MYO18B: variants seen among roughly 807,000 people sequenced by gnomAD.
MYO18B encodes the protein myosin XVIIIB, also known as unconventional myosin-XVIIIb.
Under a neutral mutation model 273.0 loss-of-function variants are expected in MYO18B, and 204 were observed. The ratio of observed to expected loss-of-function variants is 0.75; its 90% CI spans 0.67 to 0.84. The LOEUF (loss-of-function observed/expected upper bound fraction) is 0.84, where lower values mean the gene tolerates loss of function less well. MYO18B is among the 40% of genes least tolerant of loss of function. MYO18B has a pLI of 0.00. For missense variants in MYO18B, 3,212 were observed against 3,287.6 expected (o/e 0.98, Z 0.56); for synonymous variants, 1,330 against 1,305.7 (o/e 1.02, Z -0.40).
intron 34 of MYO18B, among the ~76,000 whole-genome samples, chr22:25,937,178 G>T (rs1222499565): frequency 6.6e-6 from 1 of 151,944 alleles, no homozygotes; most frequent in Admixed American, 6.6e-5. Flanking sequence ...CTGCTTCCTG[G>T]GTTCAAGCAG....
chr22:26,058,094 T>C, the MYO18B span, among the ~76,000 whole-genome samples: 3 of 152,216 alleles, frequency 2.0e-5, no homozygotes, highest in Non-Finnish European at 4.4e-5. Context: ...CTCAAGATGA[T>C]GTAAAACAAG....
Position 26,030,797 on chromosome 22 carries a change from C to G in MYO18B, c.*367C>G. 2 of 393,372 alleles carry G rather than the reference C, an allele frequency of 5.1e-6. No homozygotes were observed. The allele number at this position is 393,372 out of a possible 1,614,324, so 24.4% of individuals were successfully genotyped here. On this transcript the variant is annotated 3_prime_UTR_variant, in exon 44 of 44. Coordinates refer to ENST00000335473, the MANE Select transcript of MYO18B (RefSeq NM_032608.7). ...CTTCCTACATGTCTACATGCCATGA[C>G]CTTCCTCCTCCTCTTCACTTGGCCA...
intron 40 of MYO18B, among the ~76,000 whole-genome samples, chr22:26,000,462 T>C (rs1373341461): frequency 6.6e-6 from 1 of 152,112 alleles, no homozygotes; most frequent in Non-Finnish European, 1.5e-5. Context: ...TCAAGTACTT[T>C]CCAGGACCAA....
chr22:25,869,296 A>T (rs1323701554), intron 22 of MYO18B, among the ~76,000 whole-genome samples: 1 of 152,032 alleles, frequency 6.6e-6, no homozygotes, highest in African/African-American at 2.4e-5. Flanking sequence ...CAAAAAATTT[A>T]AAAATTATCT....
At chr22:26,032,764 C>T (rs1479584363), downstream of MYO18B, among the ~76,000 whole-genome samples, 1 of 152,066 alleles carries the variant, frequency 6.6e-6, no homozygotes, top group Non-Finnish European at 1.5e-5. Flanking sequence ...CTCAGGTGAT[C>T]CACCTGCCTT....
intron 18 of MYO18B, among the ~76,000 whole-genome samples, chr22:25,845,432 G>A (rs1482217128): frequency 6.6e-6 from 1 of 152,144 alleles, no homozygotes; most frequent in Non-Finnish European, 1.5e-5. Flanking sequence ...CAGGAGAATC[G>A]CTTGAACCCG....
intron 31 of MYO18B, 33 bp from the exon 32 acceptor site, chr22:25,908,289 C>A (rs1483661890): frequency 2.6e-6 from 4 of 1,524,462 alleles, no homozygotes; most frequent in South Asian, 1.2e-5. Flanking sequence ...TAGAGTGGGT[C>A]ACCCTCACGT....
chr22:25,929,160 C>CAAAAA (rs4049336), intron 34 of MYO18B, among the ~76,000 whole-genome samples: 14 of 122,166 alleles, frequency 1.1e-4, no homozygotes, highest in African/African-American at 3.7e-4. Context: ...GAAACTGTCT[C>CAAAAA]AAAAAAAAAA....
intron 7 of MYO18B, among the ~76,000 whole-genome samples, chr22:25,776,088 T>C (rs756505727): frequency 6.6e-6 from 1 of 152,210 alleles, no homozygotes; most frequent in Non-Finnish European, 1.5e-5. Context: ...TGATCTGTTT[T>C]TTTGTCCCTA....
chr22:25,990,865 G>A (rs955791640), intron 39 of MYO18B, among the ~76,000 whole-genome samples: 1 of 151,956 alleles, frequency 6.6e-6, no homozygotes, highest in African/African-American at 2.4e-5. Context: ...TCCTCAGGTG[G>A]TATGTATGTT....
At chr22:25,944,773 G>C (rs542551050) in intron 34 of MYO18B, among the ~76,000 whole-genome samples, 2 of 151,894 alleles carry the variant, frequency 1.3e-5, no homozygotes, top group South Asian at 4.2e-4. Flanking sequence ...CTGGAACCCG[G>C]GAGGTGGAGG....
chr22:26,001,947 G>A (rs1262396240), intron 40 of MYO18B, among the ~76,000 whole-genome samples: 1 of 152,202 alleles, frequency 6.6e-6, no homozygotes, highest in Non-Finnish European at 1.5e-5. Context: ...AGTAAAGATT[G>A]GTGTTTAGTC....
rs921826281 is a variant in MYO18B at position 25,769,447 on chromosome 22, TGGGAGC to T, written c.1512+24_1512+29del. ...AGACCAGGTGAGGGGGCTGCGGCCC[TGGGAGC>T]GGGAAGCGGCAGACAGGCCTCTCCA... is the stretch of plus-strand genomic sequence containing the variant. On this transcript the variant is annotated intron_variant, in intron 4 of 43. Transcript: ENST00000335473. 4.7e-6 allele frequency: 7 copies of T among 1,493,854 alleles called. No homozygotes were observed. Among genetic ancestry groups the T allele is most frequent in the Admixed American group, 4.8e-5 (2 of 41,706 alleles). 92.5% of individuals were successfully genotyped at this position (1,493,854 alleles called of 1,614,324 possible). A position where few individuals can be genotyped will look rare whatever the true frequency, so the allele number is the denominator to read the frequency against.
chr22:26,023,943 T>C (rs971781814), intron 42 of MYO18B, among the ~76,000 whole-genome samples: 12 of 152,198 alleles, frequency 7.9e-5, no homozygotes, highest in African/African-American at 2.7e-4. Context: ...CCATCTCCTC[T>C]TCCAGCCCAT....
the MYO18B span, among the ~76,000 whole-genome samples, chr22:26,045,187 T>A: frequency 6.6e-6 from 1 of 151,916 alleles, no homozygotes; most frequent in Non-Finnish European, 1.5e-5. Flanking sequence ...GTCATCTCCA[T>A]GGAAACACAC....
intron 39 of MYO18B, among the ~76,000 whole-genome samples, chr22:25,979,305 A>G (rs552943503): frequency 6.6e-6 from 1 of 152,360 alleles, no homozygotes; most frequent in Admixed American, 6.5e-5. Context: ...GTGTAGTGTC[A>G]GTATATGCGG....
intron 12 of MYO18B, among the ~76,000 whole-genome samples, chr22:25,801,254 T>C (rs188093209): frequency 1.3e-5 from 2 of 152,352 alleles, no homozygotes; most frequent in African/African-American, 2.4e-5. Flanking sequence ...GGGGAGAATT[T>C]GGGCCTTATA....
At chr22:25,787,272 G>GCACACACA (rs10598069) in intron 11 of MYO18B, among the ~76,000 whole-genome samples, 67 of 136,714 alleles carry the variant, frequency 4.9e-4, no homozygotes, top group African/African-American at 1.6e-3. Flanking sequence ...GCAGGCGCGC[G>GCACACACA]CACACACACA....
chr22:26,048,797 G>C, the MYO18B span, among the ~76,000 whole-genome samples: 1 of 152,066 alleles, frequency 6.6e-6, no homozygotes, highest in Non-Finnish European at 1.5e-5. Flanking sequence ...TATTCCTTTG[G>C]GTAAACACCC....
Sources: allele counts gnomAD v4.1 joint callset (sites outside exome capture counted in the v4.1 genomes callset), GRCh38; gene constraint gnomAD v4.1.1; transcripts MANE v1.5; gene names NCBI Gene and HGNC (gene_info 2026-07-23, HGNC 2026-07-21).